Variants in PTPRD observed in about 807,000 individuals in gnomAD.
PTPRD encodes the protein receptor-type tyrosine-protein phosphatase delta.
In PTPRD, 34 loss-of-function variants were observed where a neutral mutation model predicts 214.5. The ratio of observed to expected loss-of-function variants is 0.16; its 90% confidence interval spans 0.12 to 0.21. PTPRD has a LOEUF of 0.21. Among genes scored for constraint, PTPRD ranks in the 10% least tolerant of loss-of-function variants. The pLI is 1.00. For missense variants in PTPRD, 2,545 were observed against 2,398.7 expected, an observed-to-expected ratio of 1.06 and a Z score of -1.27; for synonymous variants, 1,128 against 845.7, an observed-to-expected ratio of 1.33 and a Z score of -5.79.
intron 19 of PTPRD, among the ~76,000 whole-genome samples, chr9:8,521,878 G>A (rs1284481250): frequency 1.3e-5 from 2 of 152,030 alleles, no homozygotes; most frequent in African/African-American, 2.4e-5. Context: ...TATACATGCA[G>A]GCATATAACA....
At chr9:8,869,527 A>G (rs2098257112) in intron 11 of PTPRD, among the ~76,000 whole-genome samples, 1 of 152,070 alleles carries the variant, frequency 6.6e-6, no homozygotes, top group African/African-American at 2.4e-5. Context: ...TGAATCAGAA[A>G]CTCTGGGCCA....
rs534466567 is a variant in PTPRD, at chr9:10,143,280, T to TAAATAAAATAAAATA, written c.-544-109505_-544-109491dup. Among the ~76,000 whole-genome samples the TAAATAAAATAAAATA allele has an allele frequency of 1.4e-4, 16 of 117,726 alleles. No homozygotes were observed. The East Asian group carries it at 1.9e-3, about 14-fold the overall frequency. The allele number at this position is 117,726 out of a possible 152,430, so 77.2% of individuals were successfully genotyped here. On this transcript the variant is annotated intron_variant, in intron 3 of 45. Transcript: ENST00000381196. ...CCTAAAACTTAAAGTATAATAATAA[T>TAAATAAAATAAAATA]AAATAAAATAAAATAAAATAAAAAA...
intron 9 of PTPRD, among the ~76,000 whole-genome samples, chr9:9,330,386 A>C (rs2136491437): frequency 6.6e-6 from 1 of 152,306 alleles, no homozygotes; most frequent in South Asian, 2.1e-4. Context: ...GACTTTTTAA[A>C]ATAAGGTTAT....
intron 4 of PTPRD, among the ~76,000 whole-genome samples, chr9:10,030,062 A>G (rs2097025707): frequency 6.6e-6 from 1 of 152,198 alleles, no homozygotes; most frequent in Non-Finnish European, 1.5e-5. Flanking sequence ...GTCTGCCACC[A>G]TATAAGATGT....
At chr9:10,364,151 C>T (rs924365854) in intron 2 of PTPRD, among the ~76,000 whole-genome samples, 4 of 151,714 alleles carry the variant, frequency 2.6e-5, no homozygotes, top group African/African-American at 9.7e-5. Flanking sequence ...AGGCGCCCGC[C>T]ACCATGCCCG....
intron 12 of PTPRD, among the ~76,000 whole-genome samples, chr9:8,665,108 C>T (rs1223322519): frequency 1.3e-5 from 2 of 152,146 alleles, no homozygotes; most frequent in African/African-American, 2.4e-5. Context: ...TTCTCAAAAA[C>T]TGAGTTCGAA....
At chr9:10,142,928 T>C (rs1299173910) in intron 3 of PTPRD, among the ~76,000 whole-genome samples, 1 of 150,928 alleles carries the variant, frequency 6.6e-6, no homozygotes, top group African/African-American at 2.4e-5. Flanking sequence ...ATATACACCA[T>C]GGAATACTAT....
At chr9:10,354,816 A>C (rs2154461080) in intron 2 of PTPRD, among the ~76,000 whole-genome samples, 1 of 152,246 alleles carries the variant, frequency 6.6e-6, no homozygotes, top group Non-Finnish European at 1.5e-5. Context: ...TAATGGAGAG[A>C]AGGAAAGACA....
chr9:9,312,048 C>T (rs1346450793), intron 9 of PTPRD, among the ~76,000 whole-genome samples: 6 of 152,158 alleles, frequency 3.9e-5, no homozygotes, highest in East Asian at 1.9e-4. Flanking sequence ...AATGTAGTAT[C>T]TTCAATGTGT....
intron 9 of PTPRD, among the ~76,000 whole-genome samples, chr9:9,249,321 G>C (rs1177534186): frequency 1.3e-5 from 2 of 151,968 alleles, no homozygotes; most frequent in Non-Finnish European, 2.9e-5. Flanking sequence ...TGCCCTGCTG[G>C]TACAGTCTGA....
chr9:8,582,481 T>C (rs903046839), intron 14 of PTPRD, among the ~76,000 whole-genome samples: 1 of 152,186 alleles, frequency 6.6e-6, no homozygotes, highest in Non-Finnish European at 1.5e-5. Flanking sequence ...AGTCCCAGAC[T>C]GTGAAACTAT....
At chr9:10,142,350 G>C (rs1450839217) in intron 3 of PTPRD, among the ~76,000 whole-genome samples, 1 of 151,272 alleles carries the variant, frequency 6.6e-6, no homozygotes, top group Non-Finnish European at 1.5e-5. Flanking sequence ...CCACAAAATG[G>C]GAGAAAATTT....
At chr9:9,742,974 A>C (rs2098419624) in intron 6 of PTPRD, among the ~76,000 whole-genome samples, 1 of 152,196 alleles carries the variant, frequency 6.6e-6, no homozygotes, top group African/African-American at 2.4e-5. Context: ...AATAATTAAT[A>C]GGCATAACTG....
At chr9:9,106,563 C>T (rs1028884817) in intron 10 of PTPRD, among the ~76,000 whole-genome samples, 1 of 132,384 alleles carries the variant, frequency 7.6e-6, no homozygotes, top group Admixed American at 9.1e-5. Flanking sequence ...CCACAAAAGG[C>T]AGCCGATGGA....
chr9:10,254,766 A>C (rs1033592716), intron 3 of PTPRD, among the ~76,000 whole-genome samples: 8 of 152,150 alleles, frequency 5.3e-5, no homozygotes, highest in African/African-American at 1.9e-4. Context: ...AGGGGTCACA[A>C]AGACTCAAAT....
At chr9:9,264,238 A>C (rs1373908351) in intron 9 of PTPRD, among the ~76,000 whole-genome samples, 1 of 151,648 alleles carries the variant, frequency 6.6e-6, no homozygotes, top group Non-Finnish European at 1.5e-5. Flanking sequence ...ACTGCTCAAC[A>C]ATTCAAAATA....
intron 14 of PTPRD, among the ~76,000 whole-genome samples, chr9:8,530,820 T>C (rs1330620786): frequency 6.6e-6 from 1 of 152,070 alleles, no homozygotes; most frequent in East Asian, 1.9e-4. Context: ...AAAGAGAAAT[T>C]TCACTGAACA....
At chr9:9,765,599 C>T (rs1355560342) in intron 6 of PTPRD, among the ~76,000 whole-genome samples, 1 of 152,182 alleles carries the variant, frequency 6.6e-6, no homozygotes, top group Non-Finnish European at 1.5e-5. Context: ...TTAAATATAT[C>T]TACAAAAATG....
chr9:9,267,910 T>C (rs533745961), intron 9 of PTPRD, among the ~76,000 whole-genome samples: 20 of 151,152 alleles, frequency 1.3e-4, no homozygotes, highest in African/African-American at 4.8e-4. Context: ...GACCAGCCCA[T>C]AGCTAACGTC....
Sources: gnomAD v4.1 joint callset for allele counts (sites outside exome capture counted in the v4.1 genomes callset) on GRCh38, gnomAD v4.1.1 for gene constraint, MANE v1.5 for transcripts, NCBI Gene and HGNC (gene_info 2026-07-23, HGNC 2026-07-21) for gene names.